The following BIRC6 variants were observed in gnomAD, a reference collection of about 807,000 sequenced individuals.
The protein encoded by BIRC6 is dual E2 ubiquitin-conjugating enzyme/E3 ubiquitin-protein ligase BIRC6.
In BIRC6, 98 loss-of-function variants were observed where a neutral mutation model predicts 503.3. The observed-to-expected ratio is 0.19, with a 90% confidence interval of 0.17 to 0.23. The LOEUF is 0.23. Among genes scored for constraint, BIRC6 ranks in the 10% least tolerant of loss-of-function variants. BIRC6 has a pLI of 1.00. For missense variants in BIRC6, 5,360 were observed against 5,806.0 expected (o/e 0.92, Z 2.50); for synonymous variants, 2,240 against 2,078.7 (o/e 1.08, Z -2.11).
intron 50 of BIRC6, 156 bp downstream of exon 50, chr2:32,505,361 G>C: frequency 1.6e-6 from 1 of 613,128 alleles, no homozygotes; most frequent in South Asian, 2.2e-5. Flanking sequence ...ATACTACCAA[G>C]TCATTTTAGG....
At chr2:32,530,237 G>A (rs1370773417) in intron 60 of BIRC6, among the ~76,000 whole-genome samples, 1 of 151,950 alleles carries the variant, frequency 6.6e-6, no homozygotes, top group Non-Finnish European at 1.5e-5. Context: ...TTGAGACAGA[G>A]TCTTTTTCTG....
intron 3 of BIRC6, among the ~76,000 whole-genome samples, chr2:32,383,046 T>C (rs1184500231): frequency 1.3e-5 from 2 of 151,100 alleles, no homozygotes; most frequent in East Asian, 3.9e-4. Flanking sequence ...TTTAATTTTT[T>C]AATTTAATTT....
intron 62 of BIRC6, among the ~76,000 whole-genome samples, chr2:32,544,869 C>G (rs1409550647): frequency 1.3e-5 from 2 of 151,556 alleles, no homozygotes; most frequent in African/African-American, 2.4e-5. Flanking sequence ...ATTACTTGAT[C>G]TGATTTTTTT....
chr2:32,357,148 C>T lies in BIRC6; in HGVS notation c.-14C>T, dbSNP rs2033177283. On this transcript the variant is annotated 5_prime_UTR_variant, in exon 1 of 74. Transcript: ENST00000421745. This position sits in a 1 kb window ranked among gnomAD's most constrained non-coding sequence, Gnocchi z 4.9. ...ACTTCCGGCTAACGCGCTCGGCTTG[C>T]CCCCTGGCCCCGGATGGTGACTGGT... 6.8e-7 allele frequency: 1 copy of T among 1,481,280 alleles called. No homozygotes were observed. The highest frequency in any genetic ancestry group is 1.5e-5 in the African/African-American group (1 of 67,772). The allele number at this position is 1,481,280 out of a possible 1,614,324, so 91.8% of individuals were successfully genotyped here.
chr2:32,543,617 TTCA>T, intron 62 of BIRC6, 76 bp downstream of exon 62: 1 of 1,383,296 alleles, frequency 7.2e-7, no homozygotes, highest in Non-Finnish European at 9.8e-7. Context: ...TTGCCTATTA[TTCA>T]TCATTTATTT....
chr2:32,588,344 A>G (rs1401613085), intron 66 of BIRC6, among the ~76,000 whole-genome samples: 1 of 152,156 alleles, frequency 6.6e-6, no homozygotes, highest in Non-Finnish European at 1.5e-5. Flanking sequence ...AACAAGAGTG[A>G]AACTCCGTCT....
At chr2:32,490,680 T>G (rs1027482941) in intron 43 of BIRC6, among the ~76,000 whole-genome samples, 5 of 152,204 alleles carry the variant, frequency 3.3e-5, no homozygotes, top group African/African-American at 7.2e-5. Context: ...AAAAACTGAT[T>G]AAAAGAAAAT....
chr2:32,381,650 A>G (rs1482675182), intron 3 of BIRC6, among the ~76,000 whole-genome samples: 1 of 149,256 alleles, frequency 6.7e-6, no homozygotes, highest in Non-Finnish European at 1.5e-5. Flanking sequence ...GATTCAAGCT[A>G]TTCTCCTGCC....
intron 1 of BIRC6, among the ~76,000 whole-genome samples, chr2:32,376,252 A>G (rs988461002): frequency 1.3e-5 from 2 of 151,982 alleles, no homozygotes; most frequent in African/African-American, 2.4e-5. Flanking sequence ...GCGATTACCA[A>G]TTAACAATTG....
intron 63 of BIRC6, among the ~76,000 whole-genome samples, chr2:32,546,138 T>G (rs1411675478): frequency 6.6e-6 from 1 of 152,216 alleles, no homozygotes; most frequent in East Asian, 1.9e-4. Context: ...ACTGTGATCC[T>G]TCTTCCTTTC....
chr2:32,392,742 G>T (rs2039398829), intron 5 of BIRC6, among the ~76,000 whole-genome samples: 1 of 151,806 alleles, frequency 6.6e-6, no homozygotes, highest in African/African-American at 2.4e-5. Context: ...GCCCACCTCA[G>T]CCTCCCTGAG....
At position 32,471,073 on chromosome 2, in the gene BIRC6, T is replaced by C; in HGVS notation, c.6541T>C (p.Tyr2181His). The change falls in exon 32 of 74, where the codon TAT becomes CAT. Residue 2181 changes from tyrosine to histidine, a missense_variant. This residue lies in a region of BIRC6 where 2,299 missense variants were observed against 2,267.2 expected (regional missense o/e 1.01). Transcript: ENST00000421745. The stretch of plus-strand genomic sequence containing the variant: ...TATGCTGGTGTCCAGGTTGCTGGAT[T>C]ATGTGGCAACTGTTGAAGATGAAGC... The part of the protein sequence containing the change: ...VVMLVSRLLD[Y>H]VATVEDEAAA... 6.3e-7 allele frequency: 1 copy of C among 1,583,884 alleles called. No homozygotes were observed. Among genetic ancestry groups the C allele is most frequent in the Non-Finnish European group, 8.6e-7 (1 of 1,163,076 alleles).
chr2:32,464,222 GT>G (rs1454782528), intron 24 of BIRC6, among the ~76,000 whole-genome samples: 1 of 152,116 alleles, frequency 6.6e-6, no homozygotes, highest in Non-Finnish European at 1.5e-5. Flanking sequence ...ATAATATTTT[GT>G]TTTGAGCAGA....
chr2:32,486,737 G>A (rs1437228450), intron 40 of BIRC6, among the ~76,000 whole-genome samples: 1 of 152,074 alleles, frequency 6.6e-6, no homozygotes, highest in African/African-American at 2.4e-5. Context: ...CTTTCAGTCT[G>A]CAATCTTCAT....
chr2:32,549,296 A>T lies in BIRC6; in HGVS notation c.12976-17A>T. On this transcript the variant is annotated splice_polypyrimidine_tract_variant and intron_variant, in intron 64 of 73. Transcript: ENST00000421745. The stretch of plus-strand genomic sequence containing the variant: ...GTATGTGAAACTGAAATCCAAATTA[A>T]TTTCAACAATTTTTAGGTTCTTGCC... The T allele has an allele frequency of 7.0e-7, 1 of 1,421,416 alleles. No homozygotes were observed. The highest frequency in any genetic ancestry group is 9.3e-7 in the Non-Finnish European group (1 of 1,070,244). 88.1% of individuals were successfully genotyped at this position (1,421,416 alleles called of 1,614,324 possible).
chr2:32,596,333 A>G (rs1415633071), intron 68 of BIRC6, among the ~76,000 whole-genome samples: 1 of 151,920 alleles, frequency 6.6e-6, no homozygotes, highest in African/African-American at 2.4e-5. Flanking sequence ...TACAAAAATT[A>G]GCTGGGCATG....
At chr2:32,429,407 T>G in intron 11 of BIRC6, 112 bp downstream of exon 11, 1 of 797,512 alleles carries the variant, frequency 1.3e-6, no homozygotes, top group South Asian at 2.6e-5. Flanking sequence ...TCTCAACCTG[T>G]ATGGTATGTT....
In BIRC6 at chr2:32,357,300, G is replaced by A. The variant is rs908086409; in HGVS notation, c.139G>A (p.Ala47Thr). ...SGPGCSSAAG[A>T]GAAGVSEWLV... ...CCCCGGCTGCTCCTCGGCGGCGGGGGCGGGGGCGGCCGGGGTCTCAGAGTG... is the reference window on the plus strand; with the variant it reads ...CCCCGGCTGCTCCTCGGCGGCGGGGACGGGGGCGGCCGGGGTCTCAGAGTG... The change falls in exon 1 of 74, where the codon GCG becomes ACG. Residue 47 changes from alanine (A) to threonine (T), a missense_variant. Transcript: ENST00000421745. The surrounding 1 kb of genome is among the most constrained non-coding windows in gnomAD (Gnocchi z 4.9). 6.6e-7 allele frequency: 1 copy of A among 1,526,702 alleles called. No homozygotes were observed. The highest frequency in any genetic ancestry group is 8.8e-7 in the Non-Finnish European group (1 of 1,139,968). The allele number at this position is 1,526,702 out of a possible 1,614,324, so 94.6% of individuals were successfully genotyped here.
At chr2:32,385,431 C>T (rs576921529) in intron 3 of BIRC6, among the ~76,000 whole-genome samples, 13 of 152,264 alleles carry the variant, frequency 8.5e-5, no homozygotes, top group African/African-American at 3.1e-4. Flanking sequence ...GTTGGTGTGT[C>T]AGATAACATT....
Sources: allele counts gnomAD v4.1 joint callset (sites outside exome capture counted in the v4.1 genomes callset), GRCh38; gene constraint gnomAD v4.1.1; regional missense constraint gnomAD v4.1.1; non-coding constraint Gnocchi (gnomAD v3.1); transcripts MANE v1.5; gene names NCBI Gene and HGNC (gene_info 2026-07-23, HGNC 2026-07-21).